FRMD3: variants seen among roughly 807,000 people sequenced by gnomAD.
The protein encoded by FRMD3 is FERM domain-containing protein 3.
In FRMD3, 33 loss-of-function variants were observed where a neutral mutation model predicts 70.2. The ratio of observed to expected loss-of-function variants is 0.47; its 90% CI spans 0.36 to 0.63. The LOEUF is 0.63. FRMD3 is among the 20% of genes least tolerant of loss of function. The pLI is 0.00. For synonymous variants in FRMD3, 279 were observed against 255.9 expected (o/e 1.09, Z -0.86); for missense variants, 632 against 711.4 (o/e 0.89, Z 1.27).
intron 1 of FRMD3, among the ~76,000 whole-genome samples, chr9:83,517,288 A>G (rs1829474168): frequency 6.6e-6 from 1 of 152,134 alleles, no homozygotes; most frequent in Admixed American, 6.5e-5. Context: ...GATATAGGGA[A>G]GATCACCACG....
chr9:83,580,533 A>G, the FRMD3 span, among the ~76,000 whole-genome samples: 1 of 152,126 alleles, frequency 6.6e-6, no homozygotes, highest in Non-Finnish European at 1.5e-5. Flanking sequence ...GTACCTCGTG[A>G]TCTCACTTAT....
intron 1 of FRMD3, among the ~76,000 whole-genome samples, chr9:83,407,880 C>CTCTCTCTCTCTCTCTCTCTCTCTCATCTT (rs1826167093): frequency 2.3e-4 from 27 of 119,272 alleles, no homozygotes; most frequent in African/African-American, 7.7e-4. Context: ...TCTCATCTTT[C>CTCTCTCTCTCTCTCTCTCTCTCTCATCTT]TCTCTCTCTC....
At chr9:83,270,523 G>A (rs1344178297) in intron 13 of FRMD3, among the ~76,000 whole-genome samples, 1 of 152,210 alleles carries the variant, frequency 6.6e-6, no homozygotes, top group Non-Finnish European at 1.5e-5. Flanking sequence ...ACAAGGAAAT[G>A]AGAGATACAT....
At chr9:83,381,330 A>G (rs1034183376) in intron 2 of FRMD3, among the ~76,000 whole-genome samples, 1 of 152,174 alleles carries the variant, frequency 6.6e-6, no homozygotes, top group African/African-American at 2.4e-5. Context: ...CAAGGTGGGC[A>G]GATCACCTGA....
intron 1 of FRMD3, among the ~76,000 whole-genome samples, chr9:83,468,490 G>T (rs368114440): frequency 1.1e-4 from 16 of 152,312 alleles, no homozygotes; most frequent in African/African-American, 3.8e-4. Flanking sequence ...GTACAGTGAG[G>T]TCAATTGAGT....
intron 1 of FRMD3, among the ~76,000 whole-genome samples, chr9:83,470,176 C>T (rs1159380620): frequency 1.3e-5 from 2 of 152,166 alleles, no homozygotes; most frequent in Non-Finnish European, 2.9e-5. Context: ...CCCCAGATTC[C>T]AGCTGCTCTG....
chr9:83,284,534 G>A lies in FRMD3; in HGVS notation c.1195+6069C>T, dbSNP rs576224907. The stretch of plus-strand genomic sequence containing the variant: ...GAGGCAGGAGAATGGCTTGAACCCA[G>A]GAGGCAGAGGTTGCAGTGAGCTGAG... On this transcript the variant is annotated intron_variant, in intron 13 of 13. Coordinates refer to ENST00000304195, the MANE Select transcript of FRMD3 (RefSeq NM_174938.6). 1.9e-4 allele frequency among the ~76,000 whole-genome samples: 29 copies of A among 152,350 alleles called. No individual in the cohort carries two copies. The East Asian group carries it at 5.6e-3, about 29-fold the overall frequency.
chr9:83,346,255 CAAAAAAA>C lies in FRMD3; in HGVS notation c.375-2975_375-2969del, dbSNP rs56163115. On this transcript the variant is annotated intron_variant, in intron 4 of 13. Transcript: ENST00000304195. ...TGAGCGACAGAGCAAGACGCCATCT[CAAAAAAA>C]AAAAAAAAAAAAAAAAAGTGCAAAC... Among the ~76,000 whole-genome samples the C allele has an allele frequency of 2.7e-4, 17 of 62,146 alleles. 1 individual carries two copies. The highest frequency in any genetic ancestry group is 8.7e-4 in the African/African-American group (13 of 14,882). 40.8% of individuals were successfully genotyped at this position (62,146 alleles called of 152,430 possible).
At chr9:83,480,279 A>G (rs1323942900) in intron 1 of FRMD3, among the ~76,000 whole-genome samples, 1 of 152,196 alleles carries the variant, frequency 6.6e-6, no homozygotes, top group Non-Finnish European at 1.5e-5. Context: ...AACTAAAACA[A>G]CCTGCAGCAT....
At chr9:83,491,818 AG>A (rs1828832752) in intron 1 of FRMD3, among the ~76,000 whole-genome samples, 1 of 152,200 alleles carries the variant, frequency 6.6e-6, no homozygotes. Context: ...TGCCTGGAAA[AG>A]TTGTCCTACT....
chr9:83,349,820 C>T (rs2277175), intron 3 of FRMD3, 63 bp from the exon 4 acceptor site: 28 of 1,266,702 alleles, frequency 2.2e-5, no homozygotes, highest in East Asian at 7.2e-5. Flanking sequence ...CAAACACACA[C>T]GGGAAAGGCA....
At chr9:83,377,104 G>C (rs1169659519) in intron 2 of FRMD3, among the ~76,000 whole-genome samples, 1 of 152,116 alleles carries the variant, frequency 6.6e-6, no homozygotes, top group Non-Finnish European at 1.5e-5. Context: ...CTGGCCTATG[G>C]AGGCCATGAA....
At chr9:83,443,386 C>T (rs1374911502) in intron 1 of FRMD3, among the ~76,000 whole-genome samples, 5 of 152,146 alleles carry the variant, frequency 3.3e-5, no homozygotes, top group South Asian at 2.1e-4. Context: ...TGAGAACATG[C>T]GGTGTTTGGT....
At chr9:83,514,059 G>C (rs1382000505) in intron 1 of FRMD3, among the ~76,000 whole-genome samples, 1 of 152,158 alleles carries the variant, frequency 6.6e-6, no homozygotes, top group Non-Finnish European at 1.5e-5. Context: ...CACCGAGCTA[G>C]CTGCAGGAGT....
intron 2 of FRMD3, among the ~76,000 whole-genome samples, chr9:83,381,431 C>T (rs921911157): frequency 1.3e-5 from 2 of 152,026 alleles, no homozygotes; most frequent in Non-Finnish European, 2.9e-5. Flanking sequence ...TGGCACACGC[C>T]TGTATTCCCA....
chr9:83,538,959 T>G (rs1829963187), upstream of FRMD3, among the ~76,000 whole-genome samples: 1 of 152,230 alleles, frequency 6.6e-6, no homozygotes, highest in African/African-American at 2.4e-5. This position sits in a 1 kb window ranked among gnomAD's most constrained non-coding sequence, Gnocchi z 4.7. Context: ...TCTCTGGTAC[T>G]CATGGAGATT....
intron 1 of FRMD3, among the ~76,000 whole-genome samples, chr9:83,414,732 T>C (rs993985704): frequency 5.9e-5 from 9 of 152,258 alleles, no homozygotes; most frequent in Admixed American, 2.6e-4. Context: ...TAAATGTGTG[T>C]ACCTTTTACT....
At chr9:83,400,231 A>G (rs1048503836) in intron 1 of FRMD3, among the ~76,000 whole-genome samples, 4 of 152,198 alleles carry the variant, frequency 2.6e-5, no homozygotes, top group African/African-American at 9.6e-5. Flanking sequence ...ACAAAAATAA[A>G]TTGTTTTCCT....
At chr9:83,547,620 G>C in the FRMD3 span, among the ~76,000 whole-genome samples, 1 of 152,066 alleles carries the variant, frequency 6.6e-6, no homozygotes. Context: ...GACATCACTA[G>C]ACAGATTATT....
Sources: allele counts gnomAD v4.1 joint callset (sites outside exome capture counted in the v4.1 genomes callset), GRCh38; gene constraint gnomAD v4.1.1; non-coding constraint Gnocchi (gnomAD v3.1); transcripts MANE v1.5; gene names NCBI Gene and HGNC (gene_info 2026-07-23, HGNC 2026-07-21).